The following ULK4 variants were observed in gnomAD, a reference collection of about 807,000 sequenced individuals.
ULK4 encodes the protein unc-51 like kinase 4, also known as inactive serine/threonine-protein kinase ULK4.
ULK4 carries 133 observed loss-of-function variants against 160.6 expected under a neutral mutation model. That is an observed-to-expected ratio of 0.83 (90% CI 0.72 to 0.96). ULK4 has a LOEUF of 0.96. ULK4 is among the 40% of genes least tolerant of loss of function. ULK4 has a pLI of 0.00. For missense variants in ULK4, 1,580 were observed against 1,499.5 expected (o/e 1.05, Z -0.89); for synonymous variants, 534 against 539.8 (o/e 0.99, Z 0.15).
chr3:41,957,402 C>T (rs1344812438), intron 1 of ULK4, among the ~76,000 whole-genome samples: 2 of 131,128 alleles, frequency 1.5e-5, no homozygotes, highest in Non-Finnish European at 3.1e-5. Context: ...TTGCAGTGAG[C>T]TAAGATGGTG....
At chr3:41,850,382 G>A (rs1458297758) in intron 17 of ULK4, among the ~76,000 whole-genome samples, 2 of 152,028 alleles carry the variant, frequency 1.3e-5, no homozygotes, top group African/African-American at 2.4e-5. Context: ...CTGAGGAATC[G>A]CCACACTGAC....
At chr3:41,760,165 G>A (rs952801680) in intron 21 of ULK4, among the ~76,000 whole-genome samples, 10 of 152,076 alleles carry the variant, frequency 6.6e-5, no homozygotes, top group South Asian at 2.1e-4. Flanking sequence ...TGTATCTGTC[G>A]AATAGATGCA....
intron 34 of ULK4, among the ~76,000 whole-genome samples, chr3:41,408,405 G>C (rs574937245): frequency 1.5e-5 from 2 of 132,700 alleles, no homozygotes; most frequent in Non-Finnish European, 3.1e-5. Flanking sequence ...TCCAGCCTGG[G>C]TGACAAAGTG....
chr3:41,257,189 G>A (rs890397934), intron 35 of ULK4, among the ~76,000 whole-genome samples: 4 of 152,190 alleles, frequency 2.6e-5, no homozygotes, highest in African/African-American at 9.7e-5. Context: ...TAAAACTGCA[G>A]TGCAATACCT....
At chr3:41,424,965 T>C (rs1339785812) in intron 34 of ULK4, among the ~76,000 whole-genome samples, 5 of 151,368 alleles carry the variant, frequency 3.3e-5, no homozygotes, top group African/African-American at 1.2e-4. Flanking sequence ...TTGACAGAAG[T>C]AGGCTTCAAA....
chr3:41,625,108 GAGAGGTGATC>G, intron 30 of ULK4, among the ~76,000 whole-genome samples: 2 of 152,290 alleles, frequency 1.3e-5, no homozygotes, highest in African/African-American at 4.8e-5. Flanking sequence ...TCTAAATTGT[GAGAGGTGATC>G]AATAAGTGGA....
At chr3:41,582,778 CA>C (rs1316469154) in intron 31 of ULK4, among the ~76,000 whole-genome samples, 3 of 152,220 alleles carry the variant, frequency 2.0e-5, no homozygotes, top group Non-Finnish European at 4.4e-5. Flanking sequence ...TCCTATTTCT[CA>C]AGTGCTACAA....
intron 36 of ULK4, among the ~76,000 whole-genome samples, chr3:41,247,324 G>A (rs924611788): frequency 6.6e-6 from 1 of 152,194 alleles, no homozygotes; most frequent in African/African-American, 2.4e-5. Flanking sequence ...CCTGCCTGGA[G>A]CTGACTTATG....
At chr3:41,369,359 T>G (rs1226912883) in intron 35 of ULK4, among the ~76,000 whole-genome samples, 1 of 152,046 alleles carries the variant, frequency 6.6e-6, no homozygotes, top group African/African-American at 2.4e-5. Context: ...CCAGGTGTGG[T>G]GGCACATGCC....
intron 35 of ULK4, among the ~76,000 whole-genome samples, chr3:41,346,000 A>G (rs1002005223): frequency 6.6e-6 from 1 of 152,016 alleles, no homozygotes; most frequent in South Asian, 2.1e-4. Context: ...GGTACAGCCA[A>G]GCAGGAAGAC....
Position 41,715,476 on chromosome 3 carries a change from G to A in ULK4, c.2548C>T (p.Pro850Ser). 1.2e-6 allele frequency: 2 copies of A among 1,614,094 alleles called. No homozygotes were observed. The highest frequency in any genetic ancestry group is 1.7e-4 in the Middle Eastern group (1 of 6,060). The change falls in exon 24 of 37, where the codon CCT (proline) becomes TCT (serine). Residue 850 changes from proline to serine, a missense_variant. Coordinates refer to ENST00000301831, the MANE Select transcript of ULK4 (RefSeq NM_017886.4). ...KQLKLCLPLM[P>S]VVLHLVTSQV... ...GAAGTTACGAGGTGAAGCACTACAG[G>A]CATCAGGGGGAGACACAACTTCAGC...
At chr3:41,393,980 T>C (rs2082005809) in intron 35 of ULK4, among the ~76,000 whole-genome samples, 1 of 152,164 alleles carries the variant, frequency 6.6e-6, no homozygotes, top group Non-Finnish European at 1.5e-5. Flanking sequence ...ACCTATAAAA[T>C]GGTAATAATC....
intron 31 of ULK4, among the ~76,000 whole-genome samples, chr3:41,596,996 A>G (rs1049861907): frequency 6.6e-6 from 1 of 152,158 alleles, no homozygotes; most frequent in African/African-American, 2.4e-5. Flanking sequence ...TATAGGTGCC[A>G]TCCCACCCCA....
chr3:41,337,666 A>G (rs1159492371), intron 35 of ULK4, among the ~76,000 whole-genome samples: 1 of 152,214 alleles, frequency 6.6e-6, no homozygotes, highest in African/African-American at 2.4e-5. Flanking sequence ...TGTACCCTTC[A>G]CACAATATGC....
intron 21 of ULK4, among the ~76,000 whole-genome samples, chr3:41,773,970 A>G (rs868222438): frequency 3.3e-3 from 499 of 152,246 alleles, no homozygotes; most frequent in African/African-American, 0.011. Flanking sequence ...AAGCAATGGG[A>G]AAAGGATTCC....
chr3:41,845,027 G>A (rs1400328228), intron 17 of ULK4, among the ~76,000 whole-genome samples: 10 of 150,838 alleles, frequency 6.6e-5, no homozygotes, highest in East Asian at 3.9e-4. Context: ...GTGCAGTGGC[G>A]CAATCTCGGC....
intron 16 of ULK4, 121 bp from the exon 17 acceptor site, chr3:41,884,073 T>C: frequency 1.4e-6 from 1 of 736,132 alleles, no homozygotes. Context: ...AAAAATTGAA[T>C]GTGACAGGTC....
At chr3:41,538,745 A>G (rs2125949707) in intron 32 of ULK4, among the ~76,000 whole-genome samples, 1 of 152,272 alleles carries the variant, frequency 6.6e-6, no homozygotes, top group Admixed American at 6.5e-5. Context: ...ATAGTAGTAA[A>G]GTATCACAGT....
At chr3:41,380,502 G>C (rs1385270464) in intron 35 of ULK4, among the ~76,000 whole-genome samples, 1 of 152,094 alleles carries the variant, frequency 6.6e-6, no homozygotes, top group Non-Finnish European at 1.5e-5. Context: ...CAGGGAGATA[G>C]GGAACACAGG....
Sources: gnomAD v4.1 joint callset for allele counts (sites outside exome capture counted in the v4.1 genomes callset) on GRCh38, gnomAD v4.1.1 for gene constraint, MANE v1.5 for transcripts, NCBI Gene and HGNC (gene_info 2026-07-23, HGNC 2026-07-21) for gene names.